RIMBP2: variants seen among roughly 807,000 people sequenced by gnomAD.
RIMBP2 encodes RIMS binding protein 2, also known as RIMS-binding protein 2.
A neutral mutation model predicts 118.6 loss-of-function variants in RIMBP2; 48 were observed. The ratio of observed to expected loss-of-function variants is 0.40; its 90% CI spans 0.32 to 0.51. The LOEUF (loss-of-function observed/expected upper bound fraction) is 0.51, where lower values mean the gene tolerates loss of function less well. RIMBP2 is among the 20% of genes least tolerant of loss of function. The pLI is 0.41. For synonymous variants in RIMBP2, 762 were observed against 742.9 expected, an observed-to-expected ratio of 1.03 and a Z score of -0.42; for missense variants, 1,551 against 1,768.3, an observed-to-expected ratio of 0.88 and a Z score of 2.20.
chr12:130,668,529 G>A (rs2064052091), intron 1 of RIMBP2: 1 of 152,568 alleles, frequency 6.6e-6, no homozygotes, highest in African/African-American at 2.4e-5. Flanking sequence ...CTGGGGTCCA[G>A]GTCCAGCCCA....
chr12:130,421,751 C>T (rs900528091), intron 17 of RIMBP2, among the ~76,000 whole-genome samples: 4 of 149,400 alleles, frequency 2.7e-5, no homozygotes, highest in African/African-American at 5.0e-5. Context: ...TTCCTCTGTG[C>T]TGATGACCAG....
chr12:130,612,315 C>CAA (rs2060609096), intron 2 of RIMBP2, among the ~76,000 whole-genome samples: 1 of 152,166 alleles, frequency 6.6e-6, no homozygotes, highest in African/African-American at 2.4e-5. Context: ...CCAGGGGATC[C>CAA]AGCTTTTGGC....
At chr12:130,634,802 T>G (rs2062243968) in intron 1 of RIMBP2, among the ~76,000 whole-genome samples, 1 of 152,080 alleles carries the variant, frequency 6.6e-6, no homozygotes, top group South Asian at 2.1e-4. Flanking sequence ...TCTCACTATG[T>G]CACCCAGGCT....
intron 1 of RIMBP2, among the ~76,000 whole-genome samples, chr12:130,692,558 C>G (rs2065359071): frequency 6.6e-6 from 1 of 151,990 alleles, no homozygotes; most frequent in African/African-American, 2.4e-5. Flanking sequence ...CTCCTCCCCT[C>G]TTTCCTGACT....
intron 17 of RIMBP2, 30 bp from the exon 18 acceptor site, chr12:130,414,336 C>A: frequency 6.5e-7 from 1 of 1,544,588 alleles, no homozygotes; most frequent in Non-Finnish European, 8.7e-7. Flanking sequence ...AAGAACAGAG[C>A]GGCAGTGAGC....
At chr12:130,433,407 GT>G (rs1255064818) in intron 14 of RIMBP2, among the ~76,000 whole-genome samples, 2 of 152,274 alleles carry the variant, frequency 1.3e-5, no homozygotes, top group African/African-American at 2.4e-5. Flanking sequence ...AATGCATATG[GT>G]TCTGTGTAAT....
At chr12:130,473,552 C>T (rs1265885513) in intron 5 of RIMBP2, among the ~76,000 whole-genome samples, 13 of 152,124 alleles carry the variant, frequency 8.5e-5, no homozygotes, top group African/African-American at 2.4e-4. Context: ...GCGACTGTGA[C>T]GGGACAACGG....
At chr12:130,676,710 C>T (rs2064503276) in intron 1 of RIMBP2, among the ~76,000 whole-genome samples, 1 of 152,100 alleles carries the variant, frequency 6.6e-6, no homozygotes, top group Non-Finnish European at 1.5e-5. Context: ...AAGGAGCAAA[C>T]CACCACACAG....
intron 1 of RIMBP2, among the ~76,000 whole-genome samples, chr12:130,632,576 G>C (rs553703404): frequency 1.6e-4 from 24 of 152,222 alleles, no homozygotes; most frequent in African/African-American, 5.8e-4. Flanking sequence ...TCTTTGCTCT[G>C]GGGCCCCTCC....
intron 2 of RIMBP2, among the ~76,000 whole-genome samples, chr12:130,563,877 G>A (rs1031588314): frequency 9.9e-5 from 15 of 152,146 alleles, no homozygotes; most frequent in Non-Finnish European, 1.3e-4. Context: ...GTGGTTTTCC[G>A]TTTCAATTAT....
At chr12:130,435,228 T>C (rs537824429) in intron 13 of RIMBP2, among the ~76,000 whole-genome samples, 82 of 152,174 alleles carry the variant, frequency 5.4e-4, no homozygotes, top group African/African-American at 1.9e-3. Flanking sequence ...GTATTTTTAG[T>C]AGAGACAGAG....
At position 130,511,355 on chromosome 12, in the gene RIMBP2, A is replaced by G. The variant is rs573811277; in HGVS notation, c.-126-4585T>C. Among the ~76,000 whole-genome samples the G allele has an allele frequency of 6.6e-6, 1 of 152,322 alleles. No homozygotes were observed. Among genetic ancestry groups the G allele is most frequent in the South Asian group, 2.1e-4 (1 of 4,826 alleles). ...GTGTGTGTGCTTGTAGGAATTTGTC[A>G]CAGCAGCAATAGGCAACTGATGCGG... On this transcript the variant is annotated intron_variant, in intron 3 of 22. Coordinates refer to ENST00000690449, the MANE Select transcript of RIMBP2 (RefSeq NM_001393629.1). The surrounding 1 kb of genome is among the most constrained non-coding windows in gnomAD (Gnocchi z 4.3).
intron 14 of RIMBP2, chr12:130,430,031 G>A (rs368038650): frequency 6.6e-6 from 1 of 152,308 alleles, no homozygotes. Flanking sequence ...GACGGAAGGA[G>A]GTGTCTGGCA....
chr12:130,567,554 GT>G (rs1487046151), intron 2 of RIMBP2, among the ~76,000 whole-genome samples: 1 of 152,146 alleles, frequency 6.6e-6, no homozygotes. Context: ...AGGAGGGAGG[GT>G]CCCTGAGGGT....
intron 1 of RIMBP2, among the ~76,000 whole-genome samples, chr12:130,649,742 G>A (rs111496773): frequency 0.013 from 1,930 of 152,170 alleles, 11 homozygotes; most frequent in Non-Finnish European, 0.019. Context: ...CAGAGATGTG[G>A]TCTCCCTGCC....
intron 1 of RIMBP2, among the ~76,000 whole-genome samples, chr12:130,665,146 C>T (rs1679805072): frequency 6.6e-6 from 1 of 151,726 alleles, no homozygotes; most frequent in African/African-American, 2.4e-5. Context: ...GAGAGCAATT[C>T]AACCATGTGA....
intron 2 of RIMBP2, among the ~76,000 whole-genome samples, chr12:130,549,597 G>A (rs2055532168): frequency 6.6e-6 from 1 of 152,206 alleles, no homozygotes; most frequent in Admixed American, 6.5e-5. Context: ...CTACAAGTGA[G>A]AACATGCAGT....
intron 2 of RIMBP2, among the ~76,000 whole-genome samples, chr12:130,572,988 G>T (rs928694794): frequency 8.5e-5 from 13 of 152,216 alleles, no homozygotes; most frequent in African/African-American, 2.9e-4. Context: ...CGGCAGCTGC[G>T]AGTGACGAAG....
intron 1 of RIMBP2, among the ~76,000 whole-genome samples, chr12:130,674,104 T>C (rs990845596): frequency 2.0e-5 from 3 of 151,828 alleles, no homozygotes; most frequent in Non-Finnish European, 4.4e-5. Context: ...GGCGACAGAG[T>C]GAGACTCTGT....
Sources: allele counts gnomAD v4.1 joint callset (sites outside exome capture counted in the v4.1 genomes callset), GRCh38; gene constraint gnomAD v4.1.1; non-coding constraint Gnocchi (gnomAD v3.1); transcripts MANE v1.5; gene names NCBI Gene and HGNC (gene_info 2026-07-23, HGNC 2026-07-21).